KAT6A: variants seen among roughly 807,000 people sequenced by gnomAD.
KAT6A encodes histone acetyltransferase KAT6A.
A neutral mutation model predicts 198.4 loss-of-function variants in KAT6A; 9 were observed. The ratio of observed to expected loss-of-function variants is 0.05; its 90% CI spans 0.03 to 0.08. The LOEUF (loss-of-function observed/expected upper bound fraction) is 0.08. Ranked by LOEUF, KAT6A falls within the 10% of genes least tolerant of loss-of-function variation. The probability of loss-of-function intolerance (pLI) is 1.00; values close to 1 mark genes in which losing one functional copy is unlikely to be tolerated. For missense variants in KAT6A, 2,077 were observed against 2,509.9 expected, an observed-to-expected ratio of 0.83 and a Z score of 3.69; for synonymous variants, 890 against 883.0, an observed-to-expected ratio of 1.01 and a Z score of -0.14.
chr8:42,047,905 C>CT (rs774685438), intron 2 of KAT6A, among the ~76,000 whole-genome samples: 2 of 151,986 alleles, frequency 1.3e-5, no homozygotes, highest in Non-Finnish European at 2.9e-5. Context: ...TCATTTCTGT[C>CT]TAACGAGTAA....
At chr8:41,959,672 C>T (rs1823095728) in intron 8 of KAT6A, among the ~76,000 whole-genome samples, 1 of 152,142 alleles carries the variant, frequency 6.6e-6, no homozygotes, top group African/African-American at 2.4e-5. Context: ...AAAAGGAAGG[C>T]AATGGTTGGG....
chr8:41,966,160 C>T (rs1054035571), intron 8 of KAT6A, among the ~76,000 whole-genome samples: 2 of 151,802 alleles, frequency 1.3e-5, no homozygotes, highest in Non-Finnish European at 1.5e-5. Flanking sequence ...GCAGTGAGTG[C>T]CAAATAAATG....
intron 11 of KAT6A, 140 bp from the exon 12 acceptor site, chr8:41,946,824 C>A: frequency 1.6e-6 from 1 of 613,416 alleles, no homozygotes; most frequent in Non-Finnish European, 2.9e-6. Flanking sequence ...CAAACAACTA[C>A]CCAGCTGGGA....
rs1822081052 is a variant in KAT6A at position 41,940,854 on chromosome 8, CGTGGGCTTT to C, written c.3018_3026del (p.Lys1007_Thr1009del). ...AGAAATGCGTTACCTTTCGCTTCAG[CGTGGGCTTT>C]GTGAGAATTGGTGGCGAGCTTGACC... On this transcript the variant is annotated inframe_deletion, in exon 15 of 17. Coordinates refer to ENST00000265713, the MANE Select transcript of KAT6A (RefSeq NM_006766.5). 6.2e-7 allele frequency: 1 copy of C among 1,610,910 alleles called. No homozygotes were observed. Among genetic ancestry groups the C allele is most frequent in the Non-Finnish European group, 8.5e-7 (1 of 1,179,322 alleles).
intron 5 of KAT6A, among the ~76,000 whole-genome samples, chr8:41,979,199 C>T (rs966608507): frequency 1.3e-5 from 2 of 152,098 alleles, no homozygotes; most frequent in African/African-American, 2.4e-5. Flanking sequence ...ACCCAGGAGG[C>T]GGAGGTTGCA....
chr8:41,930,117 T>C lies in KAT6A; in HGVS notation c.*2088A>G, dbSNP rs183367970. On this transcript the variant is annotated 3_prime_UTR_variant, in exon 17 of 17. Transcript: ENST00000265713. ...GCTTGTGGAAAAGGGAGCTGCCCGA[T>C]TGAATTTTTTATAAAGAAACAAACA... 1.4e-4 allele frequency: 32 copies of C among 232,060 alleles called. No homozygotes were observed. Among genetic ancestry groups the C allele is most frequent in the African/African-American group, 3.7e-4 (17 of 45,342 alleles). The allele number at this position is 232,060 out of a possible 1,614,324, so 14.4% of individuals were successfully genotyped here.
intron 9 of KAT6A, among the ~76,000 whole-genome samples, chr8:41,951,903 A>C (rs1301900590): frequency 6.6e-6 from 1 of 152,212 alleles, no homozygotes; most frequent in Non-Finnish European, 1.5e-5. Context: ...CACATGCTAC[A>C]TGGAGCAGCG....
chr8:41,994,272 C>T (rs1489807987), intron 2 of KAT6A, among the ~76,000 whole-genome samples: 1 of 152,208 alleles, frequency 6.6e-6, no homozygotes, highest in Non-Finnish European at 1.5e-5. Flanking sequence ...TGTCATTCAG[C>T]TGCCCCCAAC....
chr8:42,040,667 G>A lies in KAT6A; in HGVS notation c.600+7711C>T, dbSNP rs184341860. Among the ~76,000 whole-genome samples the A allele has an allele frequency of 5.8e-4, 85 of 146,072 alleles. No individual in the cohort carries two copies. The East Asian group carries it at 0.016, about 27-fold the overall frequency. ...GGAGAATCGCCTGAACCCAGGAGGC[G>A]GAGGCTGCAGTGAGCCGAGATCGCA... is the stretch of plus-strand genomic sequence containing the variant. On this transcript the variant is annotated intron_variant, in intron 2 of 16. Coordinates refer to ENST00000265713, the MANE Select transcript of KAT6A (RefSeq NM_006766.5).
intron 2 of KAT6A, among the ~76,000 whole-genome samples, chr8:42,045,913 A>T (rs1253749795): frequency 6.6e-6 from 1 of 151,750 alleles, no homozygotes; most frequent in Non-Finnish European, 1.5e-5. Flanking sequence ...TGAACCCGGG[A>T]GGCGAAGGTT....
At chr8:41,980,954 T>C (rs1824322674) in intron 4 of KAT6A, 27 bp from the exon 5 acceptor site, 2 of 1,480,544 alleles carry the variant, frequency 1.4e-6, no homozygotes, top group Non-Finnish European at 1.9e-6. Context: ...AGGACAGTTT[T>C]GCTTAACCTT....
intron 2 of KAT6A, among the ~76,000 whole-genome samples, chr8:42,020,779 T>C (rs1826490678): frequency 6.6e-6 from 1 of 152,196 alleles, no homozygotes; most frequent in African/African-American, 2.4e-5. Flanking sequence ...AACTTCATTT[T>C]AGCAAAATCC....
chr8:41,944,148 G>A (rs547450805), intron 12 of KAT6A, among the ~76,000 whole-genome samples, 169 bp from the exon 13 acceptor site: 2 of 151,074 alleles, frequency 1.3e-5, no homozygotes, highest in South Asian at 4.2e-4. Context: ...AAACAAATCT[G>A]CAGAAAGAAT....
chr8:41,967,281 T>C (rs1425599908), intron 8 of KAT6A, among the ~76,000 whole-genome samples: 3 of 149,038 alleles, frequency 2.0e-5, no homozygotes, highest in Non-Finnish European at 4.5e-5. Context: ...AAAAATTTAT[T>C]TATTTATTTA....
At position 42,049,143 on chromosome 8, in the gene KAT6A, C is replaced by T. The variant is rs1802469040; in HGVS notation, c.-166G>A. 23 of 688,010 alleles carry T rather than the reference C, an allele frequency of 3.3e-5. No individual in the cohort carries two copies. In the South Asian group the frequency reaches 4.4e-4, roughly 13 times the overall value. The allele number at this position is 688,010 out of a possible 1,614,324, so 42.6% of individuals were successfully genotyped here. A position where few individuals can be genotyped will look rare whatever the true frequency, so the allele number is the denominator to read the frequency against. On this transcript the variant is annotated 5_prime_UTR_variant, in exon 2 of 17. Transcript: ENST00000265713. ...CCTTTCACAAAACAGAATGCCACCC[C>T]AATTGTACTATAGAAACCAAAACAA...
chr8:41,950,153 A>C (rs1822593986), intron 9 of KAT6A, among the ~76,000 whole-genome samples: 1 of 152,242 alleles, frequency 6.6e-6, no homozygotes, highest in African/African-American at 2.4e-5. Flanking sequence ...GCAGGAGCTA[A>C]GAGCATGGAA....
intron 8 of KAT6A, among the ~76,000 whole-genome samples, chr8:41,973,472 G>A (rs983915123): frequency 6.6e-6 from 1 of 151,976 alleles, no homozygotes; most frequent in African/African-American, 2.4e-5. Flanking sequence ...CACCCGCCTC[G>A]GCCTCCCAAT....
At chr8:41,987,239 G>A (rs1160420301) in intron 3 of KAT6A, among the ~76,000 whole-genome samples, 1 of 152,202 alleles carries the variant, frequency 6.6e-6, no homozygotes, top group African/African-American at 2.4e-5. Context: ...CAGATGTGTA[G>A]TAGGCCATCC....
intron 2 of KAT6A, among the ~76,000 whole-genome samples, chr8:42,021,268 A>G (rs1272483267): frequency 6.6e-6 from 1 of 152,192 alleles, no homozygotes. Context: ...AAATGGTCTT[A>G]AAATGTGATG....
Sources: allele counts gnomAD v4.1 joint callset (sites outside exome capture counted in the v4.1 genomes callset), GRCh38; gene constraint gnomAD v4.1.1; transcripts MANE v1.5; gene names NCBI Gene and HGNC (gene_info 2026-07-23, HGNC 2026-07-21).